LDLRAD4: variants seen among roughly 807,000 people sequenced by gnomAD.
The protein encoded by LDLRAD4 is low-density lipoprotein receptor class A domain-containing protein 4.
LDLRAD4 carries 5 observed loss-of-function variants against 17.0 expected under a neutral mutation model. That is an observed-to-expected ratio of 0.29 (90% CI 0.15 to 0.62). The LOEUF is 0.62. Among genes scored for constraint, LDLRAD4 ranks in the 20% least tolerant of loss-of-function variants. The pLI, the probability that LDLRAD4 is intolerant of heterozygous loss-of-function variation, is 0.84. For missense variants in LDLRAD4, 340 were observed against 424.7 expected (o/e 0.80, Z 1.75); for synonymous variants, 168 against 171.8 (o/e 0.98, Z 0.17).
intron 1 of LDLRAD4, among the ~76,000 whole-genome samples, chr18:13,222,470 C>G (rs1188674231): frequency 6.6e-6 from 1 of 152,150 alleles, no homozygotes; most frequent in African/African-American, 2.4e-5. Context: ...CAAGTTGGTG[C>G]TTGCCAAGCT....
chr18:13,355,792 T>A (rs922328579), intron 1 of LDLRAD4, among the ~76,000 whole-genome samples: 17 of 152,028 alleles, frequency 1.1e-4, no homozygotes, highest in African/African-American at 4.1e-4. Context: ...CCACCATGCC[T>A]GGCTAATTAA....
intron 3 of LDLRAD4, among the ~76,000 whole-genome samples, chr18:13,576,209 G>A (rs1229392369): frequency 1.3e-5 from 2 of 152,120 alleles, no homozygotes; most frequent in African/African-American, 4.8e-5. Flanking sequence ...GGATCACGAG[G>A]TCAGGAGATC....
At chr18:13,418,477 A>G (rs1328537023) in intron 2 of LDLRAD4, among the ~76,000 whole-genome samples, 1 of 152,142 alleles carries the variant, frequency 6.6e-6, no homozygotes, top group Non-Finnish European at 1.5e-5. Context: ...GCTGCCCTGA[A>G]GACTCTGGTT....
chr18:13,224,558 T>C (rs1217419840), intron 1 of LDLRAD4, among the ~76,000 whole-genome samples: 4 of 146,854 alleles, frequency 2.7e-5, no homozygotes, highest in Admixed American at 7.0e-5. Flanking sequence ...CGGCCCACTG[T>C]AAGCTCTGCC....
At chr18:13,266,853 TTGAAA>T (rs1384777563) in intron 1 of LDLRAD4, among the ~76,000 whole-genome samples, 1 of 152,170 alleles carries the variant, frequency 6.6e-6, no homozygotes, top group African/African-American at 2.4e-5. Flanking sequence ...AGGAAGAGAG[TTGAAA>T]TGAACAGAAT....
At chr18:13,532,198 G>A (rs898238448) in intron 3 of LDLRAD4, among the ~76,000 whole-genome samples, 3 of 152,196 alleles carry the variant, frequency 2.0e-5, no homozygotes, top group African/African-American at 4.8e-5. Context: ...CCGTGCATGC[G>A]GTGGACGGCT....
rs569388669 is a variant in LDLRAD4 at position 13,561,167 on chromosome 18, T to C, written c.182-59950T>C. On this transcript the variant is annotated intron_variant, in intron 3 of 5. Coordinates refer to ENST00000359446, the Ensembl canonical transcript of LDLRAD4. ...TTCAGGGCCCACACTGGAGCTATTC[T>C]TCAGGTTCCACGTTTGAAAGGTTGA... Among the ~76,000 whole-genome samples the C allele has an allele frequency of 3.3e-5, 5 of 152,322 alleles. No homozygotes were observed. In the South Asian group the frequency reaches 1.0e-3, roughly 32 times the overall value.
At chr18:13,471,566 A>C (rs2092774495) in intron 3 of LDLRAD4, 1 of 152,362 alleles carries the variant, frequency 6.6e-6, no homozygotes, top group Non-Finnish European at 1.5e-5. Flanking sequence ...GTTTGCAGAG[A>C]GTAATGCTGA....
chr18:13,348,784 C>T (rs2082859535), intron 1 of LDLRAD4, among the ~76,000 whole-genome samples: 1 of 152,216 alleles, frequency 6.6e-6, no homozygotes, highest in Admixed American at 6.5e-5. Context: ...GGCGCCCCTC[C>T]CCTAGCCTCG....
At chr18:13,617,135 G>A (rs1425251798) in intron 3 of LDLRAD4, among the ~76,000 whole-genome samples, 5 of 151,032 alleles carry the variant, frequency 3.3e-5, no homozygotes, top group African/African-American at 7.3e-5. Context: ...ACAGGGTCTC[G>A]CTATATTGCC....
intron 2 of LDLRAD4, among the ~76,000 whole-genome samples, chr18:13,413,168 G>C (rs546680098): frequency 5.3e-4 from 81 of 152,320 alleles, no homozygotes; most frequent in African/African-American, 1.9e-3. Context: ...GTGCTTGGCT[G>C]TAAGGAAGGT....
chr18:13,384,304 G>A (rs758079488), intron 1 of LDLRAD4, among the ~76,000 whole-genome samples: 5 of 152,150 alleles, frequency 3.3e-5, no homozygotes, highest in Admixed American at 6.5e-5. Flanking sequence ...AATAATAACT[G>A]CATATATGTG....
At chr18:13,580,908 A>C (rs1197523601) in intron 3 of LDLRAD4, among the ~76,000 whole-genome samples, 1 of 152,184 alleles carries the variant, frequency 6.6e-6, no homozygotes, top group Admixed American at 6.5e-5. Flanking sequence ...CTGGTTTTGC[A>C]ATTGAATAAT....
intron 2 of LDLRAD4, among the ~76,000 whole-genome samples, chr18:13,389,292 C>T (rs1055658702): frequency 6.6e-6 from 1 of 150,938 alleles, no homozygotes; most frequent in African/African-American, 2.5e-5. Flanking sequence ...GATACTCCTC[C>T]CCTCCAGGCA....
intron 3 of LDLRAD4, among the ~76,000 whole-genome samples, chr18:13,536,908 T>C (rs1337108889): frequency 6.6e-6 from 1 of 152,250 alleles, no homozygotes. Context: ...TATTCTGTAA[T>C]TATAATAAAT....
chr18:13,350,717 C>T (rs147310640), intron 1 of LDLRAD4, among the ~76,000 whole-genome samples: 84 of 152,254 alleles, frequency 5.5e-4, no homozygotes, highest in African/African-American at 1.7e-3. Context: ...TGCCTGTGTC[C>T]TGAATGGTAT....
At chr18:13,338,599 C>T (rs937163752) in intron 1 of LDLRAD4, among the ~76,000 whole-genome samples, 3 of 152,212 alleles carry the variant, frequency 2.0e-5, no homozygotes, top group Non-Finnish European at 4.4e-5. Flanking sequence ...AACTGTGCCC[C>T]ATCCTCTGTC....
intron 3 of LDLRAD4, among the ~76,000 whole-genome samples, chr18:13,568,403 C>T (rs6505828): frequency 0.2 from 30,482 of 152,106 alleles, 3,306 homozygotes; most frequent in East Asian, 0.33. Context: ...CCCCACTCTC[C>T]CAGCACTTAG....
intron 3 of LDLRAD4, among the ~76,000 whole-genome samples, chr18:13,450,871 G>A (rs1256252919): frequency 2.0e-5 from 3 of 152,210 alleles, no homozygotes; most frequent in Non-Finnish European, 2.9e-5. Context: ...GCTTGTCATG[G>A]AAGCTTGCGG....
Sources: allele counts gnomAD v4.1 joint callset (sites outside exome capture counted in the v4.1 genomes callset), GRCh38; gene constraint gnomAD v4.1.1; transcripts MANE v1.5; gene names NCBI Gene and HGNC (gene_info 2026-07-23, HGNC 2026-07-21).